The following MCTP1 variants were observed in gnomAD, a reference collection of about 807,000 sequenced individuals.
The protein encoded by MCTP1 is multiple C2 and transmembrane domain containing 1.
Under a neutral mutation model 120.6 loss-of-function variants are expected in MCTP1, and 69 were observed. The observed-to-expected ratio is 0.57, with a 90% CI of 0.47 to 0.70. The LOEUF is 0.70. Ranked by LOEUF, MCTP1 falls within the 30% of genes least tolerant of loss-of-function variation. The probability of loss-of-function intolerance (pLI) is 0.00; values close to 1 mark genes in which losing one functional copy is unlikely to be tolerated. For missense variants in MCTP1, 1,203 were observed against 1,248.8 expected (o/e 0.96, Z 0.55); for synonymous variants, 529 against 493.1 (o/e 1.07, Z -0.96).
At chr5:95,155,372 G>A (rs995291568) in intron 1 of MCTP1, among the ~76,000 whole-genome samples, 1 of 152,116 alleles carries the variant, frequency 6.6e-6, no homozygotes, top group African/African-American at 2.4e-5. Context: ...AGGCAAGATT[G>A]TTGGACTCTT....
In MCTP1 at chr5:95,189,252, A is replaced by G. The variant is rs115047596; in HGVS notation, c.720+94604T>C. Among the ~76,000 whole-genome samples the G allele has an allele frequency of 3.3e-3, 509 of 152,198 alleles. 3 individuals carry two copies. The highest frequency in any genetic ancestry group is 0.012 in the African/African-American group (481 of 41,534). On this transcript the variant is annotated intron_variant, in intron 1 of 22. Transcript: ENST00000515393. ...GTTGCAGAACAAATAAAACTAATCA[A>G]TGGTGATGAAAAAAATTAAAGAGTT...
At chr5:94,952,171 C>CTAAAAAAAAAAA (rs1820765308) in intron 3 of MCTP1, among the ~76,000 whole-genome samples, 1 of 87,890 alleles carries the variant, frequency 1.1e-5, no homozygotes, top group South Asian at 4.4e-4. Context: ...GACTTTGTCG[C>CTAAAAAAAAAAA]AAAAAAAAAA....
chr5:94,898,237 A>G (rs1157785051), intron 10 of MCTP1, among the ~76,000 whole-genome samples: 1 of 152,190 alleles, frequency 6.6e-6, no homozygotes, highest in Non-Finnish European at 1.5e-5. Context: ...CCAAGAAAGT[A>G]TTTAATGACT....
chr5:94,719,290 C>G (rs1760294919), intron 19 of MCTP1, among the ~76,000 whole-genome samples: 1 of 152,020 alleles, frequency 6.6e-6, no homozygotes, highest in Admixed American at 6.5e-5. Flanking sequence ...ACCATTTGAC[C>G]CAGCATTCCC....
intron 17 of MCTP1, among the ~76,000 whole-genome samples, chr5:94,813,107 T>C (rs923081512): frequency 6.6e-6 from 1 of 152,170 alleles, no homozygotes; most frequent in Admixed American, 6.5e-5. Context: ...ATTCAGAGTA[T>C]GTAGAGTACT....
chr5:94,943,087 C>A (rs2081154), intron 3 of MCTP1, among the ~76,000 whole-genome samples: 1,816 of 152,112 alleles, frequency 0.012, 37 homozygotes, highest in African/African-American at 0.042. Context: ...GTAAGTAAGA[C>A]AATGTCTCTG....
rs115792725 is a variant in MCTP1 at position 95,065,618 on chromosome 5, A to T, written c.721-48134T>A. Among the ~76,000 whole-genome samples, 975 of 152,322 alleles carry T rather than the reference A, an allele frequency of 6.4e-3. 13 individuals are homozygous for T. The highest frequency in any genetic ancestry group is 0.023 in the African/African-American group (936 of 41,582). On this transcript the variant is annotated intron_variant, in intron 1 of 22. Transcript: ENST00000515393. Reference sequence around the variant, plus strand: ...GATAGACGAGAACTCTCTTAATCCGATAAAAGCAATTAACAAATATTTGTA... The same window carrying T: ...GATAGACGAGAACTCTCTTAATCCGTTAAAAGCAATTAACAAATATTTGTA...
chr5:95,005,162 T>C (rs1374111192), intron 2 of MCTP1, among the ~76,000 whole-genome samples: 1 of 152,182 alleles, frequency 6.6e-6, no homozygotes, highest in African/African-American at 2.4e-5. Flanking sequence ...TCAGAATTTC[T>C]TGGGTCCTGT....
chr5:95,145,906 A>G (rs544619897), intron 1 of MCTP1, among the ~76,000 whole-genome samples: 17 of 152,308 alleles, frequency 1.1e-4, no homozygotes, highest in East Asian at 9.7e-4. Context: ...GCTTCATAAA[A>G]TCAGTTAGGG....
chr5:95,127,620 C>T (rs972862545), intron 1 of MCTP1, among the ~76,000 whole-genome samples: 5 of 152,036 alleles, frequency 3.3e-5, no homozygotes, highest in Non-Finnish European at 5.9e-5. Flanking sequence ...CCCCAGATTG[C>T]GGGCTTGTGA....
At chr5:95,224,756 T>C (rs1754071998) in intron 1 of MCTP1, among the ~76,000 whole-genome samples, 1 of 152,188 alleles carries the variant, frequency 6.6e-6, no homozygotes, top group Non-Finnish European at 1.5e-5. Context: ...GCAATCTTCC[T>C]GCTTCAGTCT....
At chr5:94,858,216 A>C (rs1795066801) in intron 17 of MCTP1, among the ~76,000 whole-genome samples, 1 of 151,650 alleles carries the variant, frequency 6.6e-6, no homozygotes, top group Non-Finnish European at 1.5e-5. Flanking sequence ...GAAAAGCGTC[A>C]TTTATACTAC....
At chr5:94,832,682 G>A (rs990049058) in intron 17 of MCTP1, among the ~76,000 whole-genome samples, 8 of 151,420 alleles carry the variant, frequency 5.3e-5, no homozygotes, top group Admixed American at 2.6e-4. Context: ...TTCATGACAA[G>A]TGGTCTGGTT....
At chr5:94,770,602 A>G (rs1372277659) in intron 19 of MCTP1, among the ~76,000 whole-genome samples, 3 of 152,176 alleles carry the variant, frequency 2.0e-5, no homozygotes, top group African/African-American at 7.2e-5. Context: ...TTGGAGACAG[A>G]TATCTACCTA....
chr5:94,823,684 T>C (rs36726), intron 17 of MCTP1, among the ~76,000 whole-genome samples: 92,943 of 152,000 alleles, frequency 0.61, 29,850 homozygotes, highest in Non-Finnish European at 0.7. Context: ...GAGCATGGAA[T>C]GTTCTTCCAT....
At chr5:95,036,519 C>G (rs1437406744) in intron 1 of MCTP1, among the ~76,000 whole-genome samples, 1 of 152,180 alleles carries the variant, frequency 6.6e-6, no homozygotes, top group Non-Finnish European at 1.5e-5. Flanking sequence ...TGGAATAACT[C>G]TATAGTGTTC....
chr5:95,137,478 G>C (rs145074621), intron 1 of MCTP1, among the ~76,000 whole-genome samples: 1 of 152,262 alleles, frequency 6.6e-6, no homozygotes, highest in Non-Finnish European at 1.5e-5. Context: ...CAAAACTAAA[G>C]TTGCATGCAA....
Position 95,268,915 on chromosome 5 carries a change from G to A in MCTP1, c.720+14941C>T, listed in dbSNP as rs367770438. On this transcript the variant is annotated intron_variant, in intron 1 of 22. Transcript: ENST00000515393. ...GGGTCAGGGTCTGTGGGTTGGACCC[G>A]GCAAGCAGACCTAGCAGCTTTTCAA... Among the ~76,000 whole-genome samples the A allele has an allele frequency of 7.9e-5, 12 of 152,280 alleles. No individual in the cohort carries two copies. The East Asian group carries it at 1.4e-3, about 17-fold the overall frequency.
chr5:94,965,506 T>G (rs1468628976), intron 2 of MCTP1, among the ~76,000 whole-genome samples: 1 of 136,362 alleles, frequency 7.3e-6, no homozygotes, highest in African/African-American at 2.8e-5. Context: ...AGGGAAGTAT[T>G]TTTGTGTGTG....
Sources: gnomAD v4.1 joint callset for allele counts (sites outside exome capture counted in the v4.1 genomes callset) on GRCh38, gnomAD v4.1.1 for gene constraint, MANE v1.5 for transcripts, NCBI Gene and HGNC (gene_info 2026-07-23, HGNC 2026-07-21) for gene names.